The following QPCT variants were observed in gnomAD, a reference collection of about 807,000 sequenced individuals.
The protein encoded by QPCT is glutaminyl-peptide cyclotransferase, also known as EC.
Under a neutral mutation model 43.4 loss-of-function variants are expected in QPCT, and 44 were observed. The ratio of observed to expected loss-of-function variants is 1.01; its 90% CI spans 0.80 to 1.30. The LOEUF (loss-of-function observed/expected upper bound fraction) is 1.30, where lower values mean the gene tolerates loss of function less well. Among genes scored for constraint, QPCT ranks in the 50% most tolerant of loss-of-function variants. The probability of loss-of-function intolerance (pLI) is 0.00; values close to 1 mark genes in which losing one functional copy is unlikely to be tolerated. For synonymous variants in QPCT, 168 were observed against 168.4 expected (o/e 1.00, Z 0.02); for missense variants, 526 against 436.5 (o/e 1.21, Z -1.83).
intron 2 of QPCT, 125 bp downstream of exon 2, chr2:37,353,060 A>G: frequency 8.7e-7 from 1 of 1,147,566 alleles, no homozygotes; most frequent in Non-Finnish European, 1.2e-6. Context: ...TTCACCAAAT[A>G]GTCAACCAAG....
rs1572740636 is a variant in QPCT at position 37,373,092 on chromosome 2, T to A, written c.*265T>A. On this transcript the variant is annotated 3_prime_UTR_variant, in exon 7 of 7. Transcript: ENST00000338415. ...TGGAAAATAAATATCTTTCAAAGAC[T>A]CTTTTAGATAAACACGATGAGGCAA... 7.7e-6 allele frequency: 2 copies of A among 259,680 alleles called. No individual in the cohort carries two copies. The highest frequency in any genetic ancestry group is 1.6e-4 in the East Asian group (2 of 12,774). The allele number at this position is 259,680 out of a possible 1,614,324, so 16.1% of individuals were successfully genotyped here. A position where few individuals can be genotyped will look rare whatever the true frequency, so the allele number is the denominator to read the frequency against.
At chr2:37,364,272 A>T (rs1196339071) in intron 3 of QPCT, among the ~76,000 whole-genome samples, 1 of 152,202 alleles carries the variant, frequency 6.6e-6, no homozygotes, top group East Asian at 1.9e-4. Context: ...ATCAAGGATG[A>T]GGGAGTCATG....
chr2:37,357,989 G>A (rs1672783563), intron 2 of QPCT, among the ~76,000 whole-genome samples: 1 of 151,766 alleles, frequency 6.6e-6, no homozygotes, highest in South Asian at 2.1e-4. Context: ...GATCTGAAAT[G>A]TTGGTTTTTG....
intron 3 of QPCT, 45 bp from the exon 4 acceptor site, chr2:37,367,187 C>G (rs1166898481): frequency 6.5e-7 from 1 of 1,534,074 alleles, no homozygotes; most frequent in East Asian, 2.3e-5. Context: ...TATTTTTCAT[C>G]ATCACAGTAT....
chr2:37,358,039 A>T (rs1300996323), intron 2 of QPCT, among the ~76,000 whole-genome samples: 1 of 151,278 alleles, frequency 6.6e-6, no homozygotes, highest in Non-Finnish European at 1.5e-5. Context: ...AGTTATTTTG[A>T]TGTTAGTTTG....
In QPCT at chr2:37,372,905, C is replaced by T; in HGVS notation, c.*78C>T. 7.7e-7 allele frequency: 1 copy of T among 1,290,932 alleles called. No individual in the cohort carries two copies. The highest frequency in any genetic ancestry group is 1.1e-6 in the Non-Finnish European group (1 of 938,368). 80.0% of individuals were successfully genotyped at this position (1,290,932 alleles called of 1,614,324 possible). The stretch of plus-strand genomic sequence containing the variant: ...GGCATCATTTAAAATAATCTGATTT[C>T]AGACAAATGCTGTGTGGAAACATCT... On this transcript the variant is annotated 3_prime_UTR_variant, in exon 7 of 7. Transcript: ENST00000338415.
chr2:37,353,717 T>G (rs7584351), intron 2 of QPCT, among the ~76,000 whole-genome samples: 19,883 of 152,128 alleles, frequency 0.13, 3,984 homozygotes, highest in African/African-American at 0.43. Flanking sequence ...TGAATATCTG[T>G]TTTTTTCAAA....
chr2:37,362,426 C>T (rs1672872457), intron 3 of QPCT, among the ~76,000 whole-genome samples: 1 of 152,180 alleles, frequency 6.6e-6, no homozygotes, highest in African/African-American at 2.4e-5. Flanking sequence ...CAAACACATC[C>T]TCTGCTTAAT....
intron 3 of QPCT, among the ~76,000 whole-genome samples, chr2:37,361,326 C>T (rs1227410111): frequency 6.6e-6 from 1 of 152,104 alleles, no homozygotes; most frequent in African/African-American, 2.4e-5. Flanking sequence ...CTGGATTATT[C>T]GCAACTCTTC....
chr2:37,368,802 A>G (rs902838641), intron 4 of QPCT: 2 of 363,818 alleles, frequency 5.5e-6, no homozygotes, highest in Non-Finnish European at 1.1e-5. Context: ...AGTGATTCAT[A>G]TATTTGGACT....
In QPCT at chr2:37,367,379, G is replaced by A. The variant is rs758791615; in HGVS notation, c.694G>A (p.Ala232Thr). Residue 232 changes from alanine (A) to threonine (T), a missense_variant, in exon 4 of 7, where the codon GCG becomes ACG. By Grantham distance (58) the Ala-to-Thr change is moderately conservative. Transcript: ENST00000338415. ...KMASTPHPPG[A>T]RGTSQLHGMD... is the part of the protein sequence containing the mutation. ...GGCATCGACCCCGCACCCACCTGGAGCGAGAGGCACCAGCCAACTGCATGG... is the reference window on the plus strand; with the variant it reads ...GGCATCGACCCCGCACCCACCTGGAACGAGAGGCACCAGCCAACTGCATGG... 2 of 1,613,854 alleles carry A rather than the reference G, an allele frequency of 1.2e-6. No individual in the cohort carries two copies. Among genetic ancestry groups the A allele is most frequent in the Admixed American group, 1.7e-5 (1 of 60,000 alleles).
At chr2:37,371,162 G>C (rs1224265376) in intron 5 of QPCT, among the ~76,000 whole-genome samples, 1 of 151,764 alleles carries the variant, frequency 6.6e-6, no homozygotes, top group African/African-American at 2.4e-5. Flanking sequence ...AAACTTCTTG[G>C]GCTTCTTCCT....
At chr2:37,356,509 C>T (rs1672749103) in intron 2 of QPCT, among the ~76,000 whole-genome samples, 1 of 152,180 alleles carries the variant, frequency 6.6e-6, no homozygotes, top group African/African-American at 2.4e-5. Flanking sequence ...CACGCACTCC[C>T]TGCTTACGGG....
rs1426566308 is a variant in QPCT, at chr2:37,372,726, T to C, written c.985T>C (p.Trp329Arg). 6.2e-7 allele frequency: 1 copy of C among 1,613,760 alleles called. No homozygotes were observed. The highest frequency in any genetic ancestry group is 1.7e-5 in the Admixed American group (1 of 59,978). ...HLIPSPFPEVWHTMDDNEENL... is the reference protein window; with the variant it reads ...HLIPSPFPEVRHTMDDNEENL... ...GATACCGTCTCCTTTCCCTGAAGTC[T>C]GGCACACCATGGATGACAATGAAGA... Residue 329 changes from tryptophan (W) to arginine (R), a missense_variant, in exon 7 of 7, where the codon TGG becomes CGG. By Grantham distance (101) the Trp-to-Arg change is moderately radical. Coordinates refer to ENST00000338415, the MANE Select transcript of QPCT (RefSeq NM_012413.4).
chr2:37,361,668 C>T (rs891627191), intron 3 of QPCT, among the ~76,000 whole-genome samples: 10 of 152,202 alleles, frequency 6.6e-5, no homozygotes, highest in Non-Finnish European at 1.3e-4. Flanking sequence ...CAGAGCTGCC[C>T]CAGCCAAACC....
At chr2:37,350,759 A>G (rs2124932174) in intron 1 of QPCT, among the ~76,000 whole-genome samples, 1 of 152,348 alleles carries the variant, frequency 6.6e-6, no homozygotes, top group South Asian at 2.1e-4. Flanking sequence ...GGCTTTTCCA[A>G]CTTTAAAATT....
At chr2:37,351,536 T>A (rs546280319) in intron 1 of QPCT, among the ~76,000 whole-genome samples, 1 of 152,318 alleles carries the variant, frequency 6.6e-6, no homozygotes, top group Admixed American at 6.5e-5. Flanking sequence ...TTCACCAAGC[T>A]CAGGCTGAAA....
At chr2:37,359,464 T>C (rs2124937136) in intron 2 of QPCT, 116 bp from the exon 3 acceptor site, 1 of 894,722 alleles carries the variant, frequency 1.1e-6, no homozygotes, top group Non-Finnish European at 1.7e-6. Flanking sequence ...TATGAATTCA[T>C]TAAGTGTGTA....
chr2:37,349,632 A>T (rs1672577106), intron 1 of QPCT, among the ~76,000 whole-genome samples: 1 of 152,120 alleles, frequency 6.6e-6, no homozygotes, highest in African/African-American at 2.4e-5. Context: ...TTGACACAAC[A>T]GTTTTGGTTG....
Sources: allele counts gnomAD v4.1 joint callset (sites outside exome capture counted in the v4.1 genomes callset), GRCh38; gene constraint gnomAD v4.1.1; transcripts MANE v1.5; gene names NCBI Gene and HGNC (gene_info 2026-07-23, HGNC 2026-07-21).